The following LRRK2 variants were observed in gnomAD, a reference collection of about 807,000 sequenced individuals.
The protein encoded by LRRK2 is leucine-rich repeat serine/threonine-protein kinase 2.
LRRK2 carries 203 observed loss-of-function variants against 302.6 expected under a neutral mutation model. The ratio of observed to expected loss-of-function variants is 0.67; its 90% CI spans 0.60 to 0.75. The LOEUF (loss-of-function observed/expected upper bound fraction) is 0.75, where lower values mean the gene tolerates loss of function less well. Among genes scored for constraint, LRRK2 ranks in the 30% least tolerant of loss-of-function variants. The pLI is 0.00. For synonymous variants in LRRK2, 1,066 were observed against 1,031.9 expected, an observed-to-expected ratio of 1.03 and a Z score of -0.63; for missense variants, 2,830 against 2,951.0, an observed-to-expected ratio of 0.96 and a Z score of 0.95.
Position 40,240,479 on chromosome 12 carries a change from T to G in LRRK2, c.572-4T>G, listed in dbSNP as rs769023136. ...TATTCAGTATTTTGTCTTTCATTTTTAAGTCTCAGAGGAGCAACTGACTGA... is the reference window on the plus strand; with the variant it reads ...TATTCAGTATTTTGTCTTTCATTTTGAAGTCTCAGAGGAGCAACTGACTGA... On this transcript the variant is annotated splice_region_variant and splice_polypyrimidine_tract_variant and intron_variant, in intron 5 of 50. Transcript: ENST00000298910. 6.2e-7 allele frequency: 1 copy of G among 1,611,922 alleles called. No homozygotes were observed. The highest frequency in any genetic ancestry group is 8.5e-7 in the Non-Finnish European group (1 of 1,178,576).
At chr12:40,293,202 C>A (rs1944227992) in intron 20 of LRRK2, among the ~76,000 whole-genome samples, 1 of 151,914 alleles carries the variant, frequency 6.6e-6, no homozygotes. Context: ...ACTTATGTAA[C>A]CGTTGATTGA....
intron 18 of LRRK2, among the ~76,000 whole-genome samples, chr12:40,281,941 A>G (rs1421316178): frequency 6.6e-6 from 1 of 152,176 alleles, no homozygotes; most frequent in Non-Finnish European, 1.5e-5. Context: ...AGTGAATGGC[A>G]TATCTTAGAG....
chr12:40,334,249 A>G (rs1398609646), intron 39 of LRRK2, among the ~76,000 whole-genome samples: 4 of 152,192 alleles, frequency 2.6e-5, no homozygotes, highest in African/African-American at 9.7e-5. Context: ...TAGTATGACT[A>G]CACTGTGTGC....
At chr12:40,357,455 A>G (rs1946573384) in intron 46 of LRRK2, among the ~76,000 whole-genome samples, 1 of 152,138 alleles carries the variant, frequency 6.6e-6, no homozygotes, top group African/African-American at 2.4e-5. Context: ...TTAGATTAGT[A>G]TCAGTAGTAA....
At chr12:40,333,623 A>G (rs1428101940) in intron 39 of LRRK2, among the ~76,000 whole-genome samples, 1 of 151,460 alleles carries the variant, frequency 6.6e-6, no homozygotes, top group African/African-American at 2.4e-5. Context: ...GTGGCCTGCC[A>G]TGGGCCACCC....
intron 19 of LRRK2, among the ~76,000 whole-genome samples, chr12:40,285,651 A>G (rs138786568): frequency 7.2e-4 from 109 of 152,214 alleles, no homozygotes; most frequent in Admixed American, 3.0e-3. Flanking sequence ...AACATTGTTT[A>G]TAATAGCAAA....
At chr12:40,357,394 C>T (rs764268388) in intron 46 of LRRK2, among the ~76,000 whole-genome samples, 9 of 151,924 alleles carry the variant, frequency 5.9e-5, no homozygotes, top group Non-Finnish European at 8.8e-5. Flanking sequence ...AATAGTGCTG[C>T]GATAAACATG....
Position 40,368,808 on chromosome 12 carries a change from T to C in LRRK2, c.*1043T>C, listed in dbSNP as rs2137064231. ...GCTTTAGTTATGATGGATAAAAATATCTGCCACCCTAGGCTTCCAAATTAT... is the reference window on the plus strand; with the variant it reads ...GCTTTAGTTATGATGGATAAAAATACCTGCCACCCTAGGCTTCCAAATTAT... On this transcript the variant is annotated 3_prime_UTR_variant, in exon 51 of 51. Coordinates refer to ENST00000298910, the MANE Select transcript of LRRK2 (RefSeq NM_198578.4). The C allele has an allele frequency of 6.6e-6, 1 of 151,900 alleles. No homozygotes were observed. The highest frequency in any genetic ancestry group is 6.6e-5 in the Admixed American group (1 of 15,186). 9.4% of individuals were successfully genotyped at this position (151,900 alleles called of 1,614,324 possible).
At chr12:40,229,848 T>C (rs866792854) in intron 2 of LRRK2, among the ~76,000 whole-genome samples, 1 of 152,182 alleles carries the variant, frequency 6.6e-6, no homozygotes, top group Non-Finnish European at 1.5e-5. Context: ...TGCCTGAATC[T>C]TTTTGCAAAG....
chr12:40,356,660 T>C (rs1198981280), intron 46 of LRRK2, among the ~76,000 whole-genome samples: 1 of 152,188 alleles, frequency 6.6e-6, no homozygotes, highest in Non-Finnish European at 1.5e-5. Flanking sequence ...TTCACTCAAC[T>C]TCCTACCCGT....
In LRRK2 at chr12:40,298,294, T is replaced by C; in HGVS notation, c.3148T>C (p.Phe1050Leu). The C allele has an allele frequency of 6.2e-7, 1 of 1,613,766 alleles. No homozygotes were observed. Among genetic ancestry groups the C allele is most frequent in the Non-Finnish European group, 8.5e-7 (1 of 1,179,806 alleles). ...CTTGCACAGTAATAAATTTACATCATTTCCTTCTTATTTGTTGAAAATGAG... is the reference window on the plus strand; with the variant it reads ...CTTGCACAGTAATAAATTTACATCACTTCCTTCTTATTTGTTGAAAATGAG... Reference protein sequence around the residue: ...LDLHSNKFTSFPSYLLKMSCI... With the variant: ...LDLHSNKFTSLPSYLLKMSCI... The change falls in exon 24 of 51, where the codon TTT becomes CTT. Residue 1050 changes from phenylalanine to leucine, a missense_variant. Physicochemically the swap from Phe to Leu is conservative, Grantham distance 22. This residue lies in a region of LRRK2 where 2,121 missense variants were observed against 2,148.0 expected (regional missense o/e 0.99). Coordinates refer to ENST00000298910, the MANE Select transcript of LRRK2 (RefSeq NM_198578.4).
Position 40,351,721 on chromosome 12 carries a change from A to G in LRRK2, c.6564A>G (p.Gly2188=). ...CATTTCTTGACTTAAATACTGAAGG[A>G]TACACTTCTGAGGTAAATCCAAATG... ...QLSFLDLNTE[G]YTSEEVADSR... Residue 2188 remains glycine, a synonymous_variant, in exon 44 of 51, where the codon GGA becomes GGG. Transcript: ENST00000298910. 6.2e-7 allele frequency: 1 copy of G among 1,614,188 alleles called. No individual in the cohort carries two copies. Among genetic ancestry groups the G allele is most frequent in the Non-Finnish European group, 8.5e-7 (1 of 1,180,000 alleles).
At chr12:40,267,986 A>C (rs573682563) in intron 14 of LRRK2, among the ~76,000 whole-genome samples, 1 of 152,192 alleles carries the variant, frequency 6.6e-6, no homozygotes, top group Non-Finnish European at 1.5e-5. Flanking sequence ...TGATTTATAA[A>C]GCAGAGACTA....
At chr12:40,312,815 G>A (rs963060197) in intron 31 of LRRK2, 4 of 151,858 alleles carry the variant, frequency 2.6e-5, no homozygotes, top group Admixed American at 2.6e-4. Context: ...TTATATGGAG[G>A]TTTCCTGCCT....
chr12:40,269,021 G>T (rs1943131083), intron 14 of LRRK2, among the ~76,000 whole-genome samples: 1 of 152,130 alleles, frequency 6.6e-6, no homozygotes, highest in Non-Finnish European at 1.5e-5. Context: ...AATGAAATTG[G>T]TATATGTACA....
At chr12:40,227,572 T>G (rs1382243125) in intron 2 of LRRK2, among the ~76,000 whole-genome samples, 2 of 152,338 alleles carry the variant, frequency 1.3e-5, no homozygotes, top group East Asian at 3.9e-4. Flanking sequence ...TTTCTGTACC[T>G]GGCTTATTTA....
At chr12:40,244,805 G>A (rs1368874954) in intron 7 of LRRK2, among the ~76,000 whole-genome samples, 1 of 151,618 alleles carries the variant, frequency 6.6e-6, no homozygotes, top group Non-Finnish European at 1.5e-5. Flanking sequence ...AGTGGGTGCA[G>A]CGCACCAACA....
At chr12:40,278,347 T>A (rs1943548706) in intron 18 of LRRK2, 86 bp downstream of exon 18, 1 of 1,473,642 alleles carries the variant, frequency 6.8e-7, no homozygotes, top group Non-Finnish European at 9.5e-7. Context: ...CTTACTTATA[T>A]CATATTATTC....
intron 27 of LRRK2, chr12:40,304,922 A>G (rs1047630136): frequency 1.3e-5 from 2 of 152,094 alleles, no homozygotes; most frequent in Admixed American, 6.6e-5. Flanking sequence ...GTGTCATTGT[A>G]TCACCAAATC....
Sources: gnomAD v4.1 joint callset for allele counts (sites outside exome capture counted in the v4.1 genomes callset) on GRCh38, gnomAD v4.1.1 for gene constraint, gnomAD v4.1.1 regional missense constraint, MANE v1.5 for transcripts, NCBI Gene and HGNC (gene_info 2026-07-23, HGNC 2026-07-21) for gene names.